The following UBR1 variants were observed in gnomAD, a reference collection of about 807,000 sequenced individuals.
UBR1 encodes the protein E3 ubiquitin-protein ligase UBR1.
A neutral mutation model predicts 242.1 loss-of-function variants in UBR1; 102 were observed. The ratio of observed to expected loss-of-function variants is 0.42; its 90% CI spans 0.36 to 0.50. The LOEUF is 0.50. Ranked by LOEUF, UBR1 falls within the 20% of genes least tolerant of loss-of-function variation. UBR1 has a pLI of 0.01. For synonymous variants in UBR1, 675 were observed against 684.8 expected (o/e 0.99, Z 0.22); for missense variants, 1,772 against 2,101.8 (o/e 0.84, Z 3.07).
intron 35 of UBR1, among the ~76,000 whole-genome samples, chr15:42,986,303 G>C (rs933253365): frequency 1.3e-5 from 2 of 152,136 alleles, no homozygotes; most frequent in African/African-American, 2.4e-5. Flanking sequence ...ATGCCTGCTT[G>C]ATAGAAAAAG....
intron 20 of UBR1, among the ~76,000 whole-genome samples, chr15:43,031,871 C>A (rs1000809582): frequency 6.6e-6 from 1 of 151,956 alleles, no homozygotes; most frequent in African/African-American, 2.4e-5. Flanking sequence ...AAAATATATA[C>A]ATATATACAA....
At chr15:43,016,140 A>G (rs569491743) in intron 28 of UBR1, among the ~76,000 whole-genome samples, 1 of 152,374 alleles carries the variant, frequency 6.6e-6, no homozygotes, top group South Asian at 2.1e-4. Context: ...AGGTACCTTA[A>G]GAAATAAAAT....
At chr15:43,052,779 T>A (rs2033572325) in intron 12 of UBR1, among the ~76,000 whole-genome samples, 1 of 152,154 alleles carries the variant, frequency 6.6e-6, no homozygotes, top group South Asian at 2.1e-4. Flanking sequence ...AATAAAGAGT[T>A]TTTGTGATTG....
rs1054935430 is a variant in UBR1 at position 42,952,879 on chromosome 15, A to T, written c.4836-431T>A. 2.0e-5 allele frequency among the ~76,000 whole-genome samples: 3 copies of T among 152,184 alleles called. 1 individual carries two copies. Among genetic ancestry groups the T allele is most frequent in the Non-Finnish European group, 4.4e-5 (3 of 68,028 alleles). On this transcript the variant is annotated intron_variant, in intron 44 of 46. Coordinates refer to ENST00000290650, the MANE Select transcript of UBR1 (RefSeq NM_174916.3). ...GTATGCAATTGTTTAAAAGAAAAAA[A>T]ATTAAAATTTACAGTAAGGGTCCAA... is the stretch of plus-strand genomic sequence containing the variant.
intron 33 of UBR1, among the ~76,000 whole-genome samples, chr15:42,994,811 A>C (rs1383951588): frequency 6.6e-6 from 1 of 152,164 alleles, no homozygotes; most frequent in Non-Finnish European, 1.5e-5. Flanking sequence ...TCACCATGTC[A>C]TGGTAGGACC....
At chr15:42,971,155 C>T (rs936674408) in intron 39 of UBR1, among the ~76,000 whole-genome samples, 4 of 152,126 alleles carry the variant, frequency 2.6e-5, no homozygotes, top group African/African-American at 4.8e-5. Context: ...CATGTAAATA[C>T]TTACTTCATC....
At chr15:43,013,336 A>G (rs558345727) in intron 29 of UBR1, among the ~76,000 whole-genome samples, 1 of 152,348 alleles carries the variant, frequency 6.6e-6, no homozygotes, top group African/African-American at 2.4e-5. Context: ...TTATCACTGT[A>G]TAATAGCCCA....
chr15:43,014,896 G>C (rs536440009), intron 29 of UBR1, among the ~76,000 whole-genome samples: 1 of 147,244 alleles, frequency 6.8e-6, no homozygotes, highest in South Asian at 2.2e-4. Flanking sequence ...GTCAGCCCCC[G>C]CCCGGCCAGC....
At chr15:43,011,271 A>G (rs1257527868) in intron 29 of UBR1, among the ~76,000 whole-genome samples, 1 of 152,198 alleles carries the variant, frequency 6.6e-6, no homozygotes, top group Non-Finnish European at 1.5e-5. Flanking sequence ...ATTAATACAA[A>G]AAGTTAAAAC....
chr15:43,032,013 G>A (rs943945336), intron 20 of UBR1, among the ~76,000 whole-genome samples: 12 of 152,072 alleles, frequency 7.9e-5, no homozygotes, highest in African/African-American at 2.4e-4. Flanking sequence ...CGGCCTGGGC[G>A]ACAGAGCAAG....
At chr15:43,005,074 C>A (rs7179367) in intron 30 of UBR1, among the ~76,000 whole-genome samples, 2 of 151,998 alleles carry the variant, frequency 1.3e-5, no homozygotes, top group Non-Finnish European at 2.9e-5. Context: ...ACCGCCACCC[C>A]ATCTGGGATG....
intron 25 of UBR1, among the ~76,000 whole-genome samples, chr15:43,023,543 T>C (rs572363314): frequency 2.7e-4 from 36 of 134,868 alleles, no homozygotes; most frequent in Non-Finnish European, 5.0e-4. Context: ...TGAGCCAAGA[T>C]TGTGTCACTG....
At chr15:42,986,767 ACC>A (rs2032466492) in intron 35 of UBR1, among the ~76,000 whole-genome samples, 1 of 151,768 alleles carries the variant, frequency 6.6e-6, no homozygotes, top group Non-Finnish European at 1.5e-5. Flanking sequence ...TCACATCCCC[ACC>A]CCCACAGCTC....
rs747209232 is a variant in UBR1 at position 43,086,264 on chromosome 15, T to C, written c.82-24A>G. 8.6e-5 allele frequency: 139 copies of C among 1,612,802 alleles called. 3 individuals are homozygous for C. The South Asian group carries it at 1.5e-3, about 17-fold the overall frequency. The stretch of plus-strand genomic sequence containing the variant: ...CACTAAAAGAAAAGAAGATGAAAAT[T>C]AGACTGACTTACAAGTTCCTTCTTA... On this transcript the variant is annotated intron_variant, in intron 1 of 46. Transcript: ENST00000290650.
chr15:42,988,720 A>C lies in UBR1; in HGVS notation c.3997+99T>G, dbSNP rs1458291116. 20 of 1,512,696 alleles carry C rather than the reference A, an allele frequency of 1.3e-5. No individual in the cohort carries two copies. The East Asian group carries it at 4.5e-4, about 34-fold the overall frequency. The allele number at this position is 1,512,696 out of a possible 1,614,324, so 93.7% of individuals were successfully genotyped here. A position where few individuals can be genotyped will look rare whatever the true frequency, so the allele number is the denominator to read the frequency against. ...AATACTAATAGTCCTCATACAAGTCAAATTATTCTGGGCCATCAGTGAAAA... is the reference window on the plus strand; with the variant it reads ...AATACTAATAGTCCTCATACAAGTCCAATTATTCTGGGCCATCAGTGAAAA... On this transcript the variant is annotated intron_variant, in intron 35 of 46. Coordinates refer to ENST00000290650, the MANE Select transcript of UBR1 (RefSeq NM_174916.3).
chr15:42,952,334 A>G lies in UBR1; in HGVS notation c.4950T>C (p.Val1650=), dbSNP rs2031847947. Residue 1650 remains valine, a synonymous_variant, in exon 45 of 47, where the codon GTT becomes GTC. Transcript: ENST00000290650. ...GAAGTGCGTGAAAAATGCAAGCTCC[A>G]ACCTCTTCCCCGTTCACAATTTCCT... ...CCQEIVNGEE[V]GACIFHALHC... is the part of the protein sequence containing the mutation. The G allele has an allele frequency of 1.9e-6, 3 of 1,614,210 alleles. No homozygotes were observed. Among genetic ancestry groups the G allele is most frequent in the Non-Finnish European group, 1.7e-6 (2 of 1,180,020 alleles).
rs55879443 is a variant in UBR1, at chr15:42,967,219, GT to G, written c.4458-934del. ...AGGTCTGAGTGACCATGCTCAACTA[GT>G]TTTTTTTTTTTTTTTTTTTTTAAAT... On this transcript the variant is annotated intron_variant, in intron 40 of 46. Coordinates refer to ENST00000290650, the MANE Select transcript of UBR1 (RefSeq NM_174916.3). Among the ~76,000 whole-genome samples the G allele has an allele frequency of 5.0e-4, 57 of 113,194 alleles. 1 individual carries two copies. The highest frequency in any genetic ancestry group is 1.1e-3 in the African/African-American group (35 of 30,494). The allele number at this position is 113,194 out of a possible 152,430, so 74.3% of individuals were successfully genotyped here.
chr15:42,955,040 G>A (rs992405950), intron 44 of UBR1, among the ~76,000 whole-genome samples: 117 of 152,190 alleles, frequency 7.7e-4, no homozygotes, highest in African/African-American at 2.6e-3. Flanking sequence ...GGTGGCGGGT[G>A]CCTGTAATCC....
At position 43,015,694 on chromosome 15, in the gene UBR1, TCCTC is replaced by T. The variant is rs758060783; in HGVS notation, c.3199_3202del (p.Glu1067LysfsTer29). On this transcript the variant is annotated frameshift_variant, in exon 29 of 47. Transcript: ENST00000290650. LOFTEE classifies it high-confidence loss of function. The stretch of plus-strand genomic sequence containing the variant: ...TTGGTTTGCTTTATTTTACCTCTCT[TCCTC>T]CATAATGGAATCTTCTTTCCCAGGC... 2 of 1,613,858 alleles carry T rather than the reference TCCTC, an allele frequency of 1.2e-6. No homozygotes were observed. Among genetic ancestry groups the T allele is most frequent in the Non-Finnish European group, 1.7e-6 (2 of 1,180,028 alleles).
Sources: allele counts gnomAD v4.1 joint callset (sites outside exome capture counted in the v4.1 genomes callset), GRCh38; gene constraint gnomAD v4.1.1; transcripts MANE v1.5; gene names NCBI Gene and HGNC (gene_info 2026-07-23, HGNC 2026-07-21).